FAM222A: variants seen among roughly 807,000 people sequenced by gnomAD.
FAM222A encodes the protein family with sequence similarity 222 member A.
A neutral mutation model predicts 25.8 loss-of-function variants in FAM222A; 7 were observed. The ratio of observed to expected loss-of-function variants is 0.27; its 90% confidence interval spans 0.15 to 0.51. The LOEUF is 0.51. FAM222A is among the 20% of genes least tolerant of loss of function. The pLI, the probability that FAM222A is intolerant of heterozygous loss-of-function variation, is 0.97. For missense variants in FAM222A, 573 were observed against 640.5 expected (o/e 0.89, Z 1.14); for synonymous variants, 294 against 298.8 (o/e 0.98, Z 0.17).
chr12:109,767,053 G>A (rs1441798532), intron 2 of FAM222A, among the ~76,000 whole-genome samples: 2 of 143,274 alleles, frequency 1.4e-5, no homozygotes, highest in Non-Finnish European at 3.0e-5. Context: ...GCACCATAAT[G>A]CTTGGCTTCT....
At chr12:109,755,556 G>A (rs1888702461) in intron 2 of FAM222A, among the ~76,000 whole-genome samples, 1 of 151,924 alleles carries the variant, frequency 6.6e-6, no homozygotes, top group South Asian at 2.1e-4. Context: ...TCAAACCCAC[G>A]ACCTCCGGTG....
intron 1 of FAM222A, among the ~76,000 whole-genome samples, chr12:109,737,788 A>C (rs772828986): frequency 1.3e-5 from 2 of 152,152 alleles, no homozygotes; most frequent in Non-Finnish European, 2.9e-5. Context: ...CTCCATGCTA[A>C]TGTAATCTCT....
In FAM222A at chr12:109,714,240, G is replaced by A; in HGVS notation, c.-704G>A. ...CCGCTGCCGCCGCCGCTGTTCGCCG[G>A]CTTCCCCTCCCCCCACACCCGGGGC... is the stretch of plus-strand genomic sequence containing the variant. On this transcript the variant is annotated 5_prime_UTR_variant, in exon 1 of 3. Coordinates refer to ENST00000538780, the MANE Select transcript of FAM222A (RefSeq NM_032829.3). This position sits in a 1 kb window ranked among gnomAD's most constrained non-coding sequence, Gnocchi z 4.2. 4 of 204,934 alleles carry A rather than the reference G, an allele frequency of 2.0e-5. No homozygotes were observed. Among genetic ancestry groups the A allele is most frequent in the East Asian group, 1.7e-4 (1 of 6,012 alleles). 12.7% of individuals were successfully genotyped at this position (204,934 alleles called of 1,614,324 possible).
At chr12:109,735,385 G>A (rs952056659) in intron 1 of FAM222A, among the ~76,000 whole-genome samples, 14 of 152,176 alleles carry the variant, frequency 9.2e-5, no homozygotes, top group African/African-American at 2.7e-4. Flanking sequence ...CGGTTGTGGC[G>A]TGGGTTACGT....
chr12:109,763,880 T>A (rs1371651616), intron 2 of FAM222A, among the ~76,000 whole-genome samples: 1 of 152,008 alleles, frequency 6.6e-6, no homozygotes, highest in Non-Finnish European at 1.5e-5. Flanking sequence ...ACAGGGACCA[T>A]CTCCCACCTC....
chr12:109,764,221 T>TAAAAAAAA (rs1565847960), intron 2 of FAM222A, among the ~76,000 whole-genome samples: 3 of 9,868 alleles, frequency 3.0e-4, no homozygotes, highest in Admixed American at 1.0e-3. Flanking sequence ...GACCCTGTCT[T>TAAAAAAAA]CAAAAAAAAA....
chr12:109,719,906 T>C (rs1421796051), intron 1 of FAM222A, among the ~76,000 whole-genome samples: 2 of 151,412 alleles, frequency 1.3e-5, no homozygotes, highest in African/African-American at 2.4e-5. Context: ...AGCTTGGGAG[T>C]CGCAGACCTG....
chr12:109,715,082 TG>T lies in FAM222A; in HGVS notation c.-47+191del, dbSNP rs1887617618. ...TGGGCCAGCCGATGGGAGTGGAGGT[TG>T]GGGGGCCCATTCGGATTCCGCGGGA... is the stretch of plus-strand genomic sequence containing the variant. On this transcript the variant is annotated intron_variant, in intron 1 of 2. Transcript: ENST00000538780. Among the ~76,000 whole-genome samples the T allele has an allele frequency of 2.0e-5, 3 of 152,120 alleles. No individual in the cohort carries two copies. In the South Asian group the frequency reaches 6.2e-4, roughly 32 times the overall value.
chr12:109,741,228 G>A (rs887661662), intron 1 of FAM222A, among the ~76,000 whole-genome samples: 5 of 152,194 alleles, frequency 3.3e-5, no homozygotes, highest in Non-Finnish European at 7.4e-5. Context: ...GGGTTCCTGG[G>A]AGAATGGGCA....
chr12:109,714,248 T>TC lies in FAM222A; in HGVS notation c.-690dup. ...GCCGCCGCTGTTCGCCGGCTTCCCC[T>TC]CCCCCCACACCCGGGGCTCAGAGCA... is the stretch of plus-strand genomic sequence containing the variant. On this transcript the variant is annotated 5_prime_UTR_variant, in exon 1 of 3. Coordinates refer to ENST00000538780, the MANE Select transcript of FAM222A (RefSeq NM_032829.3). The surrounding 1 kb of genome is among the most constrained non-coding windows in gnomAD (Gnocchi z 4.2). 5.1e-6 allele frequency: 1 copy of TC among 194,992 alleles called. No individual in the cohort carries two copies. The allele number at this position is 194,992 out of a possible 1,614,324, so 12.1% of individuals were successfully genotyped here. A position where few individuals can be genotyped will look rare whatever the true frequency, so the allele number is the denominator to read the frequency against.
At chr12:109,753,623 A>G (rs1237264176) in intron 2 of FAM222A, among the ~76,000 whole-genome samples, 1 of 151,976 alleles carries the variant, frequency 6.6e-6, no homozygotes, top group African/African-American at 2.4e-5. Flanking sequence ...CACCACCCAT[A>G]TTGCTCGTGA....
In FAM222A at chr12:109,714,229, G is replaced by T. The variant is rs1364107291; in HGVS notation, c.-715G>T. 4.8e-6 allele frequency: 1 copy of T among 208,160 alleles called. No homozygotes were observed. Among genetic ancestry groups the T allele is most frequent in the Non-Finnish European group, 9.7e-6 (1 of 103,060 alleles). The allele number at this position is 208,160 out of a possible 1,614,324, so 12.9% of individuals were successfully genotyped here. A position where few individuals can be genotyped will look rare whatever the true frequency, so the allele number is the denominator to read the frequency against. ...CGCCGCCGCCGCCGCTGCCGCCGCC[G>T]CTGTTCGCCGGCTTCCCCTCCCCCC... On this transcript the variant is annotated 5_prime_UTR_variant, in exon 1 of 3. Transcript: ENST00000538780. The surrounding 1 kb of genome is among the most constrained non-coding windows in gnomAD (Gnocchi z 4.2).
intron 1 of FAM222A, among the ~76,000 whole-genome samples, chr12:109,735,436 A>G (rs1391964508): frequency 1.3e-5 from 2 of 152,214 alleles, no homozygotes; most frequent in African/African-American, 4.8e-5. Flanking sequence ...GGAGAACACT[A>G]AAAATAAAAG....
chr12:109,756,121 C>T (rs181543854), intron 2 of FAM222A, among the ~76,000 whole-genome samples: 2 of 152,262 alleles, frequency 1.3e-5, no homozygotes, highest in Non-Finnish European at 1.5e-5. Flanking sequence ...TTTCTTTCAA[C>T]AATGTTTTGT....
At chr12:109,735,525 C>G (rs1163724475) in intron 1 of FAM222A, 1 of 152,232 alleles carries the variant, frequency 6.6e-6, no homozygotes, top group African/African-American at 2.4e-5. Flanking sequence ...GGTGCAGGGA[C>G]TGGGGGAATA....
intron 2 of FAM222A, among the ~76,000 whole-genome samples, chr12:109,747,965 C>T (rs1044176144): frequency 3.9e-5 from 6 of 152,172 alleles, no homozygotes; most frequent in African/African-American, 7.2e-5. Context: ...CGATAATAGA[C>T]ATTCTTGCTT....
At chr12:109,726,512 G>C (rs1330890430) in intron 1 of FAM222A, among the ~76,000 whole-genome samples, 2 of 152,190 alleles carry the variant, frequency 1.3e-5, no homozygotes, top group Non-Finnish European at 2.9e-5. Flanking sequence ...CCATCCTCCC[G>C]CACCCACCCC....
chr12:109,723,187 A>G (rs966151394), intron 1 of FAM222A, among the ~76,000 whole-genome samples: 4 of 152,184 alleles, frequency 2.6e-5, no homozygotes, highest in African/African-American at 9.7e-5. Flanking sequence ...GCAGGCCACT[A>G]GCCTCTATTC....
intron 2 of FAM222A, among the ~76,000 whole-genome samples, chr12:109,745,382 C>T (rs1052058262): frequency 2.6e-5 from 4 of 152,238 alleles, no homozygotes; most frequent in Non-Finnish European, 5.9e-5. Flanking sequence ...CTGTAACTGA[C>T]CTGTTGCTGT....
Sources: gnomAD v4.1 joint callset for allele counts (sites outside exome capture counted in the v4.1 genomes callset) on GRCh38, gnomAD v4.1.1 for gene constraint, Gnocchi (gnomAD v3.1) non-coding constraint, MANE v1.5 for transcripts, NCBI Gene and HGNC (gene_info 2026-07-23, HGNC 2026-07-21) for gene names.